Variants in CASP10 observed in about 807,000 individuals in gnomAD.
CASP10 encodes caspase-10.
A neutral mutation model predicts 48.5 loss-of-function variants in CASP10; 41 were observed. The observed-to-expected ratio is 0.85, with a 90% confidence interval of 0.66 to 1.10. CASP10 has a LOEUF of 1.10. Among genes scored for constraint, CASP10 ranks in the 50% least tolerant of loss-of-function variants. The pLI is 0.00. For synonymous variants in CASP10, 232 were observed against 238.4 expected, an observed-to-expected ratio of 0.97 and a Z score of 0.25; for missense variants, 614 against 614.5, an observed-to-expected ratio of 1.00 and a Z score of 0.01.
rs562508102 is a variant in CASP10, at chr2:201,208,932, C to G, written c.923-138C>G. On this transcript the variant is annotated intron_variant, in intron 8 of 9. Coordinates refer to ENST00000286186, the MANE Select transcript of CASP10 (RefSeq NM_032977.4). ...ACCTCAAGTGATCCGCCTGCTTCGG[C>G]CTTCCAAAGTGCTGAGATTATAGGT... 5 of 903,808 alleles carry G rather than the reference C, an allele frequency of 5.5e-6. No homozygotes were observed. The East Asian group carries it at 1.3e-4, about 24-fold the overall frequency. The allele number at this position is 903,808 out of a possible 1,614,324, so 56.0% of individuals were successfully genotyped here.
chr2:201,227,656 A>T (rs1158090697), intron 9 of CASP10, among the ~76,000 whole-genome samples: 1 of 151,890 alleles, frequency 6.6e-6, no homozygotes, highest in Non-Finnish European at 1.5e-5. Flanking sequence ...TCCTGGGTTC[A>T]TGCCATTCTC....
chr2:201,216,069 C>G (rs1945559162), intron 9 of CASP10, among the ~76,000 whole-genome samples: 1 of 151,674 alleles, frequency 6.6e-6, no homozygotes. Flanking sequence ...TATTTGTGTC[C>G]TCTTCACTTT....
chr2:201,221,942 G>A (rs41373151), downstream of CASP10, among the ~76,000 whole-genome samples: 6,799 of 152,250 alleles, frequency 0.045, 213 homozygotes, highest in Non-Finnish European at 0.068. Context: ...TCCTCCGTAG[G>A]AGGGGTACAC....
chr2:201,212,010 G>A (rs746464853), intron 9 of CASP10, among the ~76,000 whole-genome samples: 1 of 151,824 alleles, frequency 6.6e-6, no homozygotes, highest in African/African-American at 2.4e-5. Context: ...GTGCAGTGGC[G>A]CAATCTCAGC....
intron 7 of CASP10, 62 bp downstream of exon 7, chr2:201,206,035 A>C: frequency 2.9e-6 from 3 of 1,050,302 alleles, no homozygotes; most frequent in South Asian, 1.4e-5. Context: ...ATTTAATCAA[A>C]AGGACGGTTT....
rs572971370 is a variant in CASP10 at position 201,228,539 on chromosome 2, C to A, written c.1416-394C>A. Among the ~76,000 whole-genome samples the A allele has an allele frequency of 4.6e-5, 7 of 152,280 alleles. No individual in the cohort carries two copies. The South Asian group carries it at 1.2e-3, about 27-fold the overall frequency. ...CAACTCCAGCCCTTGGGTTTAGCCA[C>A]CTGCTGCTGCTAAAAATGTTGCTGA... On this transcript the variant is annotated intron_variant, in intron 9 of 9. Transcript: ENST00000272879.
intron 3 of CASP10, among the ~76,000 whole-genome samples, chr2:201,192,768 A>G (rs534498059): frequency 4.6e-5 from 7 of 152,272 alleles, no homozygotes; most frequent in African/African-American, 1.7e-4. Flanking sequence ...TGTTGCATAG[A>G]GTTATATATA....
chr2:201,212,425 T>G (rs912690492), intron 9 of CASP10: 26 of 152,226 alleles, frequency 1.7e-4, no homozygotes, highest in African/African-American at 6.3e-4. Flanking sequence ...GGGCTGATTT[T>G]CCTGCTGCTG....
At chr2:201,205,042 C>G (rs1290039182) in intron 6 of CASP10, among the ~76,000 whole-genome samples, 2 of 152,064 alleles carry the variant, frequency 1.3e-5, no homozygotes, top group African/African-American at 2.4e-5. Flanking sequence ...AAAAAGAAAA[C>G]TGTTTGATGT....
exon 10 of CASP10, chr2:201,229,155 A>T: frequency 6.3e-7 from 1 of 1,592,784 alleles, no homozygotes; most frequent in Non-Finnish European, 8.6e-7. Flanking sequence ...CTACAGCAAG[A>T]CGGAAACCTC....
At chr2:201,228,652 T>C (rs1945819827) in intron 9 of CASP10, among the ~76,000 whole-genome samples, 1 of 152,232 alleles carries the variant, frequency 6.6e-6, no homozygotes. Flanking sequence ...ATAGGAGCCA[T>C]GGCCTCTCCA....
intron 9 of CASP10, chr2:201,214,891 T>C (rs1945519582): frequency 6.6e-6 from 1 of 152,122 alleles, no homozygotes; most frequent in Non-Finnish European, 1.5e-5. Context: ...ACTGATAGAC[T>C]AATACCCCCA....
At chr2:201,194,313 G>A (rs1463046211) in intron 4 of CASP10, among the ~76,000 whole-genome samples, 1 of 152,102 alleles carries the variant, frequency 6.6e-6, no homozygotes, top group African/African-American at 2.4e-5. Context: ...AAACTTTTAT[G>A]CCACACCCTT....
At position 201,208,095 on chromosome 2, in the gene CASP10, G is replaced by A; in HGVS notation, c.834G>A (p.Met278Ile). ...TCAAGAGGGCAGCTGTGTACAGGAT[G>A]AATCGGAACCACAGAGGCCTCTGTG... ...TSTKRAAVYRMNRNHRGLCVI... is the reference protein window; with the variant it reads ...TSTKRAAVYRINRNHRGLCVI... The change falls in exon 8 of 10, where the codon ATG becomes ATA. Residue 278 changes from methionine to isoleucine, a missense_variant. Physicochemically the swap from Met to Ile is conservative, Grantham distance 10. Transcript: ENST00000286186. 2 of 1,613,768 alleles carry A rather than the reference G, an allele frequency of 1.2e-6. No homozygotes were observed. The highest frequency in any genetic ancestry group is 1.7e-6 in the Non-Finnish European group (2 of 1,179,720).
At chr2:201,201,078 G>A (rs991307816) in intron 5 of CASP10, among the ~76,000 whole-genome samples, 52 of 151,840 alleles carry the variant, frequency 3.4e-4, no homozygotes, top group African/African-American at 1.2e-3. Flanking sequence ...ATTTTTTTGA[G>A]ATGGAGTCTC....
Position 201,219,982 on chromosome 2 carries a change from A to C in CASP10, c.*2241A>C. ...TTTGATATGTGAATGCTCATAAAAA[A>C]ATGTCAAGGAATGAAGAACAACAAC... On this transcript the variant is annotated 3_prime_UTR_variant, in exon 10 of 10. Transcript: ENST00000286186. 1.0e-6 allele frequency: 1 copy of C among 985,444 alleles called. No homozygotes were observed. The highest frequency in any genetic ancestry group is 1.2e-6 in the Non-Finnish European group (1 of 829,932). The allele number at this position is 985,444 out of a possible 1,614,324, so 61.0% of individuals were successfully genotyped here.
Position 201,217,877 on chromosome 2 carries a change from A to G in CASP10, c.*136A>G, listed in dbSNP as rs747374452. On this transcript the variant is annotated 3_prime_UTR_variant, in exon 10 of 10. Coordinates refer to ENST00000286186, the MANE Select transcript of CASP10 (RefSeq NM_032977.4). ...AACACCGTGTTTTCTGACACAGTCAATTCTGATTTTCTTTTTCTTTTGCAA... is the reference window on the plus strand; with the variant it reads ...AACACCGTGTTTTCTGACACAGTCAGTTCTGATTTTCTTTTTCTTTTGCAA... 4.5e-4 allele frequency: 714 copies of G among 1,575,850 alleles called. No individual in the cohort carries two copies. Among genetic ancestry groups the G allele is most frequent in the Non-Finnish European group, 5.8e-4 (680 of 1,164,788 alleles).
intron 5 of CASP10, among the ~76,000 whole-genome samples, chr2:201,199,304 C>T (rs552053619): frequency 2.0e-5 from 3 of 152,124 alleles, no homozygotes; most frequent in Admixed American, 6.5e-5. Context: ...CCAATAATGT[C>T]CTTGACAGTT....
intron 5 of CASP10, chr2:201,200,695 G>T: frequency 7.6e-7 from 1 of 1,315,408 alleles, no homozygotes; most frequent in East Asian, 2.7e-5. Flanking sequence ...AAGAGATTAA[G>T]TACATCCTTA....
Sources: allele counts gnomAD v4.1 joint callset (sites outside exome capture counted in the v4.1 genomes callset), GRCh38; gene constraint gnomAD v4.1.1; transcripts MANE v1.5; gene names NCBI Gene and HGNC (gene_info 2026-07-23, HGNC 2026-07-21).